ACOXL: variants seen among roughly 807,000 people sequenced by gnomAD.
ACOXL encodes acyl-coenzyme A oxidase-like protein.
Under a neutral mutation model 71.9 loss-of-function variants are expected in ACOXL, and 70 were observed. The ratio of observed to expected loss-of-function variants is 0.97; its 90% confidence interval spans 0.80 to 1.19. The LOEUF is 1.19. Ranked by LOEUF, ACOXL falls within the 50% of genes most tolerant of loss-of-function variation. The pLI is 0.00. For missense variants in ACOXL, 703 were observed against 736.3 expected, an observed-to-expected ratio of 0.95 and a Z score of 0.52; for synonymous variants, 253 against 281.6, an observed-to-expected ratio of 0.90 and a Z score of 1.02.
At chr2:111,095,996 C>G (rs2068780120) in intron 17 of ACOXL, among the ~76,000 whole-genome samples, 1 of 151,910 alleles carries the variant, frequency 6.6e-6, no homozygotes, top group South Asian at 2.1e-4. Context: ...TGCAGCCATT[C>G]TTCACAAAAA....
At chr2:110,735,459 C>G (rs1261387887) in intron 1 of ACOXL, among the ~76,000 whole-genome samples, 1 of 152,128 alleles carries the variant, frequency 6.6e-6, no homozygotes, top group African/African-American at 2.4e-5. Flanking sequence ...TGTACAGGGC[C>G]AGGCAATCCC....
rs2065408792 is a variant in ACOXL at position 111,034,257 on chromosome 2, C to T, written c.1369+2543C>T. On this transcript the variant is annotated intron_variant, in intron 15 of 17. Transcript: ENST00000439055. Reference sequence around the variant, plus strand: ...CCAAAGCTCTTGCCTTTGCATCTGGCTCTTTGTTAATGTTTAATAAAACCT... The same window carrying T: ...CCAAAGCTCTTGCCTTTGCATCTGGTTCTTTGTTAATGTTTAATAAAACCT... Among the ~76,000 whole-genome samples, 3 of 152,372 alleles carry T rather than the reference C, an allele frequency of 2.0e-5. No homozygotes were observed. The South Asian group carries it at 6.2e-4, about 32-fold the overall frequency.
chr2:110,977,779 G>A (rs1167385011), intron 12 of ACOXL, among the ~76,000 whole-genome samples: 1 of 152,178 alleles, frequency 6.6e-6, no homozygotes, highest in Admixed American at 6.5e-5. Context: ...TTTTAATGTA[G>A]TTTTTCAAAT....
intron 10 of ACOXL, among the ~76,000 whole-genome samples, chr2:110,881,978 C>A (rs1696707248): frequency 6.6e-6 from 1 of 151,804 alleles, no homozygotes; most frequent in African/African-American, 2.4e-5. Flanking sequence ...GCTATCTTTT[C>A]TCTCAGGCAA....
At chr2:111,093,021 C>G in intron 17 of ACOXL, 55 bp downstream of exon 17, 1 of 1,441,772 alleles carries the variant, frequency 6.9e-7, no homozygotes, top group South Asian at 1.2e-5. Context: ...GGTCTCCTTG[C>G]TTTCTTAGAA....
intron 10 of ACOXL, among the ~76,000 whole-genome samples, chr2:110,862,363 C>G (rs995802195): frequency 2.6e-5 from 4 of 152,168 alleles, no homozygotes; most frequent in Non-Finnish European, 5.9e-5. Flanking sequence ...CACCTGTAAT[C>G]CCAGCGACTC....
At chr2:110,780,687 C>G (rs184911786) in intron 2 of ACOXL, among the ~76,000 whole-genome samples, 1 of 152,248 alleles carries the variant, frequency 6.6e-6, no homozygotes, top group Non-Finnish European at 1.5e-5. Context: ...CATACTGTTT[C>G]CTGCTTGTGT....
At position 110,746,675 on chromosome 2, in the gene ACOXL, T is replaced by C. The variant is rs113207660; in HGVS notation, c.-23+13901T>C. Among the ~76,000 whole-genome samples the C allele has an allele frequency of 2.6e-3, 395 of 152,212 alleles. 7 individuals are homozygous for C. Among genetic ancestry groups the C allele is most frequent in the African/African-American group, 9.2e-3 (380 of 41,524 alleles). ...CAGTCACGCTCCACCATGAAGGAAA[T>C]AATGTATACAGTGGTCTCTTTCCAA... is the stretch of plus-strand genomic sequence containing the variant. On this transcript the variant is annotated intron_variant, in intron 1 of 17. Transcript: ENST00000439055.
intron 11 of ACOXL, among the ~76,000 whole-genome samples, chr2:110,915,122 G>A (rs1456283284): frequency 6.6e-6 from 1 of 151,654 alleles, no homozygotes; most frequent in Non-Finnish European, 1.5e-5. Context: ...TTTTGTTGTT[G>A]TTGTTGATGC....
intron 3 of ACOXL, among the ~76,000 whole-genome samples, chr2:110,789,712 A>G (rs761255482): frequency 6.6e-6 from 1 of 152,222 alleles, no homozygotes; most frequent in Non-Finnish European, 1.5e-5. Flanking sequence ...GGGCTTTAAC[A>G]TATGAATTTT....
intron 14 of ACOXL, among the ~76,000 whole-genome samples, chr2:110,997,417 C>G (rs1438300943): frequency 1.3e-5 from 2 of 152,046 alleles, no homozygotes; most frequent in Non-Finnish European, 1.5e-5. Flanking sequence ...AGCAACAAGA[C>G]AGAAAATAAT....
intron 13 of ACOXL, among the ~76,000 whole-genome samples, chr2:110,988,557 T>C (rs2063034249): frequency 6.6e-6 from 1 of 152,202 alleles, no homozygotes; most frequent in Non-Finnish European, 1.5e-5. Flanking sequence ...GGAATTGCTG[T>C]GCTATGGAGT....
chr2:110,756,326 G>A (rs1202649801), intron 1 of ACOXL, among the ~76,000 whole-genome samples: 2 of 152,192 alleles, frequency 1.3e-5, no homozygotes, highest in Non-Finnish European at 2.9e-5. Context: ...ACGGGGTTTC[G>A]TCATGTTGGC....
chr2:110,884,649 A>G (rs897321471), intron 10 of ACOXL, among the ~76,000 whole-genome samples: 2 of 152,108 alleles, frequency 1.3e-5, no homozygotes, highest in East Asian at 3.9e-4. Flanking sequence ...CCAAAAGACA[A>G]TCCCAAATGC....
intron 2 of ACOXL, among the ~76,000 whole-genome samples, chr2:110,768,668 A>C (rs186522580): frequency 2.0e-5 from 3 of 152,206 alleles, no homozygotes; most frequent in Admixed American, 2.0e-4. Context: ...CACTGAACTC[A>C]CGATAGGTAG....
At chr2:111,057,878 C>G (rs974076849) in intron 16 of ACOXL, among the ~76,000 whole-genome samples, 1 of 152,204 alleles carries the variant, frequency 6.6e-6, no homozygotes, top group Admixed American at 6.5e-5. Context: ...AATGGAGAAC[C>G]AGCTAGGAAG....
intron 10 of ACOXL, among the ~76,000 whole-genome samples, chr2:110,858,989 G>A (rs1693611804): frequency 1.3e-5 from 2 of 152,080 alleles, no homozygotes; most frequent in African/African-American, 2.4e-5. Context: ...AATAAAATTC[G>A]CCACTCATCT....
intron 17 of ACOXL, among the ~76,000 whole-genome samples, chr2:111,105,346 T>A (rs1221374315): frequency 6.6e-6 from 1 of 152,152 alleles, no homozygotes; most frequent in African/African-American, 2.4e-5. Context: ...TTTAGGATAA[T>A]CTTGCCTATA....
intron 10 of ACOXL, among the ~76,000 whole-genome samples, chr2:110,878,444 T>G (rs1468412372): frequency 6.6e-6 from 1 of 152,180 alleles, no homozygotes; most frequent in Non-Finnish European, 1.5e-5. Flanking sequence ...ACAGCTTTAA[T>G]GTATGTTGAA....
Sources: gnomAD v4.1 joint callset for allele counts (sites outside exome capture counted in the v4.1 genomes callset) on GRCh38, gnomAD v4.1.1 for gene constraint, MANE v1.5 for transcripts, NCBI Gene and HGNC (gene_info 2026-07-23, HGNC 2026-07-21) for gene names.